BACH2: variants seen among roughly 807,000 people sequenced by gnomAD.
BACH2 encodes the protein transcription regulator protein BACH2.
Under a neutral mutation model 61.8 loss-of-function variants are expected in BACH2, and 5 were observed. That is an observed-to-expected ratio of 0.08 (90% CI 0.04 to 0.17). BACH2 has a LOEUF of 0.17. BACH2 is among the 10% of genes least tolerant of loss of function. The probability of loss-of-function intolerance (pLI) is 1.00; values close to 1 mark genes in which losing one functional copy is unlikely to be tolerated. For synonymous variants in BACH2, 446 were observed against 440.1 expected (o/e 1.01, Z -0.17); for missense variants, 824 against 1,091.1 (o/e 0.76, Z 3.45).
chr6:90,044,399 G>C (rs546512595), intron 5 of BACH2, among the ~76,000 whole-genome samples: 1 of 152,220 alleles, frequency 6.6e-6, no homozygotes, highest in Admixed American at 6.5e-5. Context: ...AAAGGCCAGA[G>C]TGCATGGAGG....
At chr6:90,106,800 A>G (rs79551672) in intron 4 of BACH2, among the ~76,000 whole-genome samples, 7,972 of 152,288 alleles carry the variant, frequency 0.052, 215 homozygotes, top group East Asian at 0.082. Flanking sequence ...CACTGCATAC[A>G]TCATTACACA....
chr6:90,265,069 G>GT (rs776185441), intron 2 of BACH2, among the ~76,000 whole-genome samples: 6 of 152,256 alleles, frequency 3.9e-5, no homozygotes, highest in Non-Finnish European at 8.8e-5. Flanking sequence ...ACAAAACATT[G>GT]TAACTCAAGG....
intron 6 of BACH2, among the ~76,000 whole-genome samples, chr6:89,970,708 A>C (rs1775309424): frequency 6.6e-6 from 1 of 151,564 alleles, no homozygotes. Context: ...GGCCCCCCCC[A>C]GATCTTACAA....
chr6:89,952,124 C>T (rs561600909), intron 6 of BACH2: 44 of 513,144 alleles, frequency 8.6e-5, no homozygotes, highest in Non-Finnish European at 1.4e-4. Context: ...AAGATGACAA[C>T]GGGTTCAGTG....
At chr6:90,007,349 T>A (rs1160453520) in intron 6 of BACH2, among the ~76,000 whole-genome samples, 2 of 151,974 alleles carry the variant, frequency 1.3e-5, no homozygotes, top group Non-Finnish European at 2.9e-5. Context: ...ATTATTTTTT[T>A]AAAGATGGGG....
At chr6:90,077,601 G>A (rs1781528653) in intron 5 of BACH2, among the ~76,000 whole-genome samples, 1 of 152,056 alleles carries the variant, frequency 6.6e-6, no homozygotes, top group Admixed American at 6.6e-5. Context: ...GTTGTATCTG[G>A]GACAGGGATG....
intron 4 of BACH2, among the ~76,000 whole-genome samples, chr6:90,120,885 T>C (rs1783594992): frequency 6.7e-6 from 1 of 149,588 alleles, no homozygotes; most frequent in Non-Finnish European, 1.5e-5. Flanking sequence ...AGAAATTAAA[T>C]ATTATGTTGG....
intron 6 of BACH2, among the ~76,000 whole-genome samples, chr6:89,959,677 T>C (rs1774631983): frequency 1.3e-5 from 2 of 152,198 alleles, no homozygotes; most frequent in Non-Finnish European, 1.5e-5. Flanking sequence ...AAAACTGAAA[T>C]AGTCCTTACC....
chr6:90,165,571 T>C (rs908967241), intron 4 of BACH2, among the ~76,000 whole-genome samples: 1 of 152,088 alleles, frequency 6.6e-6, no homozygotes, highest in Non-Finnish European at 1.5e-5. Context: ...CAAGTTCATA[T>C]GGAACCAAAA....
At chr6:90,262,839 A>C (rs1454299283) in intron 2 of BACH2, among the ~76,000 whole-genome samples, 1 of 152,200 alleles carries the variant, frequency 6.6e-6, no homozygotes, top group Non-Finnish European at 1.5e-5. Context: ...AAGTATATAA[A>C]CTAGAGTTCA....
chr6:89,996,943 A>G (rs960683890), intron 6 of BACH2, among the ~76,000 whole-genome samples: 5 of 152,004 alleles, frequency 3.3e-5, no homozygotes, highest in Non-Finnish European at 1.5e-5. Flanking sequence ...CTCTGCTTCT[A>G]TGAAGTGTTG....
chr6:90,135,730 C>T (rs970940492), intron 4 of BACH2, among the ~76,000 whole-genome samples: 1 of 152,180 alleles, frequency 6.6e-6, no homozygotes, highest in African/African-American at 2.4e-5. Context: ...GCAGACCCTA[C>T]TATGATCAAG....
intron 1 of BACH2, among the ~76,000 whole-genome samples, chr6:90,280,331 G>A (rs654537): frequency 0.68 from 103,648 of 152,064 alleles, 36,771 homozygotes; most frequent in African/African-American, 0.89. Context: ...ACAACGTTAT[G>A]TAATATTTTA....
chr6:90,162,049 G>A (rs1008070362), intron 4 of BACH2, among the ~76,000 whole-genome samples: 2 of 152,050 alleles, frequency 1.3e-5, no homozygotes, highest in Non-Finnish European at 2.9e-5. Flanking sequence ...CAACAATGCT[G>A]CTCCAGAGAA....
At chr6:90,068,591 G>A (rs1320007539) in intron 5 of BACH2, among the ~76,000 whole-genome samples, 5 of 151,830 alleles carry the variant, frequency 3.3e-5, no homozygotes, top group Admixed American at 3.3e-4. Context: ...GTGGCTCCCA[G>A]AGAAACACCA....
chr6:89,972,248 T>C (rs552590285), intron 6 of BACH2, among the ~76,000 whole-genome samples: 1 of 151,920 alleles, frequency 6.6e-6, no homozygotes, highest in East Asian at 2.0e-4. Context: ...TGAGGGAGAC[T>C]CCTTTGGCTG....
chr6:89,932,518 C>G lies in BACH2; in HGVS notation c.2416G>C (p.Glu806Gln). Residue 806 changes from glutamate (E) to glutamine (Q), a missense_variant, in exon 9 of 9, where the codon GAG becomes CAG. Transcript: ENST00000257749. ...LEGTDPGTFS[E>Q]RGPPLEPRSQ... The stretch of plus-strand genomic sequence containing the variant: ...CTGGGTTCAAGAGGAGGTCCTCTCT[C>G]TGAGAAGGTTCCCGGGTCAGTGCCT... 1.9e-6 allele frequency: 3 copies of G among 1,614,096 alleles called. No individual in the cohort carries two copies. The South Asian group carries it at 3.3e-5, about 18-fold the overall frequency.
At chr6:90,072,516 G>A (rs1208736038) in intron 5 of BACH2, among the ~76,000 whole-genome samples, 2 of 152,200 alleles carry the variant, frequency 1.3e-5, no homozygotes, top group Admixed American at 6.5e-5. Context: ...TCTCAGGTTG[G>A]TTAGCAGACA....
chr6:90,135,301 T>C (rs1309602763), intron 4 of BACH2, among the ~76,000 whole-genome samples: 1 of 152,188 alleles, frequency 6.6e-6, no homozygotes, highest in Non-Finnish European at 1.5e-5. Context: ...CATCTATCGC[T>C]CACATTTTGA....
Sources: gnomAD v4.1 joint callset for allele counts (sites outside exome capture counted in the v4.1 genomes callset) on GRCh38, gnomAD v4.1.1 for gene constraint, MANE v1.5 for transcripts, NCBI Gene and HGNC (gene_info 2026-07-23, HGNC 2026-07-21) for gene names.